Variants in ATP2C2 observed in about 807,000 individuals in gnomAD.
ATP2C2 encodes ATPase secretory pathway Ca2+ transporting 2.
Under a neutral mutation model 110.8 loss-of-function variants are expected in ATP2C2, and 171 were observed. The ratio of observed to expected loss-of-function variants is 1.54; its 90% confidence interval spans 1.36 to 1.75. The LOEUF (loss-of-function observed/expected upper bound fraction) is 1.75. ATP2C2 is among the 40% of genes most tolerant of loss of function. The pLI is 0.00. For synonymous variants in ATP2C2, 804 were observed against 508.4 expected (o/e 1.58, Z -7.82); for missense variants, 1,963 against 1,235.0 (o/e 1.59, Z -8.84).
At chr16:84,449,751 A>G (rs920358188) in intron 17 of ATP2C2, among the ~76,000 whole-genome samples, 3 of 152,214 alleles carry the variant, frequency 2.0e-5, no homozygotes, top group African/African-American at 7.2e-5. Context: ...CGTGGGTGGC[A>G]GCTGCTTTTG....
chr16:84,419,723 A>G (rs1272911792), intron 7 of ATP2C2, among the ~76,000 whole-genome samples: 1 of 152,064 alleles, frequency 6.6e-6, no homozygotes, highest in Admixed American at 6.6e-5. Flanking sequence ...CCTACTACGT[A>G]TGAGGCCCTG....
rs951873908 is a variant in ATP2C2 at position 84,426,134 on chromosome 16, A to G, written c.986+333A>G. ...CTATGGTTCTACAGGCCGTACAGGA[A>G]GCATGGTGTCTGCTCAGCTTCTGGG... is the stretch of plus-strand genomic sequence containing the variant. On this transcript the variant is annotated intron_variant, in intron 11 of 26. Transcript: ENST00000262429. 7 of 256,298 alleles carry G rather than the reference A, an allele frequency of 2.7e-5. No individual in the cohort carries two copies. In the East Asian group the frequency reaches 5.2e-4, roughly 19 times the overall value. The allele number at this position is 256,298 out of a possible 1,614,324, so 15.9% of individuals were successfully genotyped here.
intron 2 of ATP2C2, among the ~76,000 whole-genome samples, chr16:84,400,665 C>T (rs1905264547): frequency 6.6e-6 from 1 of 152,176 alleles, no homozygotes; most frequent in African/African-American, 2.4e-5. Context: ...AACTGTTCAC[C>T]AGTCATACTA....
chr16:84,402,945 G>A (rs1331361883), intron 2 of ATP2C2, among the ~76,000 whole-genome samples: 1 of 152,098 alleles, frequency 6.6e-6, no homozygotes, highest in Non-Finnish European at 1.5e-5. Context: ...TTTTTATTAT[G>A]GCTTTGATCT....
At chr16:84,410,451 CAT>C (rs1293750864) in intron 4 of ATP2C2, 115 bp from the exon 5 acceptor site, 3 of 1,207,152 alleles carry the variant, frequency 2.5e-6, no homozygotes, top group African/African-American at 1.5e-5. Flanking sequence ...GTACTGTGCA[CAT>C]GTTTTGCAAG....
At chr16:84,410,881 A>G (rs1906223830) in intron 6 of ATP2C2, 116 bp downstream of exon 6, 2 of 1,042,366 alleles carry the variant, frequency 1.9e-6, no homozygotes, top group Non-Finnish European at 2.9e-6. Flanking sequence ...AGAGAACCAC[A>G]TCTCACTGGG....
intron 17 of ATP2C2, among the ~76,000 whole-genome samples, chr16:84,451,170 G>C (rs554164417): frequency 2.0e-5 from 3 of 152,260 alleles, no homozygotes; most frequent in Non-Finnish European, 2.9e-5. Flanking sequence ...CGGCAAGAGA[G>C]AATGAGAGCC....
intron 1 of ATP2C2, among the ~76,000 whole-genome samples, chr16:84,382,050 T>C (rs1910606862): frequency 6.6e-6 from 1 of 152,178 alleles, no homozygotes; most frequent in Non-Finnish European, 1.5e-5. Context: ...GTTTGTTACA[T>C]AGGTATCCAC....
Position 84,463,911 on chromosome 16 carries a change from C to A in ATP2C2, c.*179C>A. ...GGGCTCCAGGGACCCAGGCCCACATCCATCCAGCGTTCCCGCTGGCTGTGG... is the reference window on the plus strand; with the variant it reads ...GGGCTCCAGGGACCCAGGCCCACATACATCCAGCGTTCCCGCTGGCTGTGG... On this transcript the variant is annotated 3_prime_UTR_variant, in exon 27 of 27. Transcript: ENST00000262429. 1 of 606,786 alleles carries A rather than the reference C, an allele frequency of 1.6e-6. No individual in the cohort carries two copies. Among genetic ancestry groups the A allele is most frequent in the Non-Finnish European group, 2.9e-6 (1 of 342,324 alleles). The allele number at this position is 606,786 out of a possible 1,614,324, so 37.6% of individuals were successfully genotyped here.
intron 11 of ATP2C2, among the ~76,000 whole-genome samples, chr16:84,426,971 C>G (rs998807510): frequency 3.3e-5 from 5 of 152,292 alleles, no homozygotes; most frequent in Admixed American, 2.6e-4. Context: ...AGTAGTTCTT[C>G]TGTGGCTATT....
chr16:84,459,662 T>C (rs1597883817), intron 23 of ATP2C2: 12 of 1,365,710 alleles, frequency 8.8e-6, no homozygotes, highest in East Asian at 2.5e-5. Flanking sequence ...CTCATTCTCA[T>C]GCTTCATTCC....
At chr16:84,441,968 TAAAAAAG>T (rs1597843760) in intron 14 of ATP2C2, among the ~76,000 whole-genome samples, 1 of 147,216 alleles carries the variant, frequency 6.8e-6, no homozygotes, top group African/African-American at 2.6e-5. Context: ...CTAGTAATAA[TAAAAAAG>T]AAAAGAAAAG....
intron 18 of ATP2C2, among the ~76,000 whole-genome samples, chr16:84,452,752 G>C (rs1421808499): frequency 6.6e-6 from 1 of 152,086 alleles, no homozygotes; most frequent in Non-Finnish European, 1.5e-5. Context: ...GCCCACCTCG[G>C]CCTCACAAAG....
In ATP2C2 at chr16:84,405,218, C is replaced by T. The variant is rs1173571569; in HGVS notation, c.301C>T (p.Pro101Ser). 6 of 1,613,824 alleles carry T rather than the reference C, an allele frequency of 3.7e-6. No individual in the cohort carries two copies. The highest frequency in any genetic ancestry group is 1.1e-5 in the South Asian group (1 of 91,068). The change falls in exon 3 of 27, where the codon CCT becomes TCT. Residue 101 changes from proline (P) to serine (S), a missense_variant. Transcript: ENST00000262429. ...TGAGTTTGTTGCTGACAACAGCGAA[C>T]CTGTGTGGAAGAAATACCTGGATCA... ...WNEFVADNSE[P>S]VWKKYLDQFK...
intron 1 of ATP2C2, among the ~76,000 whole-genome samples, chr16:84,377,885 C>T (rs1031239488): frequency 1.3e-5 from 2 of 152,160 alleles, no homozygotes; most frequent in Non-Finnish European, 2.9e-5. Context: ...ATCACCTCTG[C>T]CGTCTGCCCC....
intron 6 of ATP2C2, among the ~76,000 whole-genome samples, chr16:84,414,639 G>C (rs1216320284): frequency 2.0e-5 from 3 of 152,166 alleles, no homozygotes; most frequent in Non-Finnish European, 2.9e-5. Flanking sequence ...CGTGGCTGTG[G>C]GGAGAGGGTG....
intron 1 of ATP2C2, among the ~76,000 whole-genome samples, chr16:84,394,324 T>C (rs1442857227): frequency 1.3e-5 from 2 of 152,128 alleles, no homozygotes; most frequent in Non-Finnish European, 2.9e-5. Context: ...CTGAAACATT[T>C]GAAAGAAACC....
intron 1 of ATP2C2, among the ~76,000 whole-genome samples, chr16:84,395,528 G>A (rs1904919194): frequency 1.3e-5 from 2 of 148,662 alleles, no homozygotes; most frequent in South Asian, 4.2e-4. Context: ...GCATGATCTT[G>A]GCTCATTGCA....
chr16:84,458,780 C>A (rs151321575), intron 21 of ATP2C2, among the ~76,000 whole-genome samples: 2 of 152,190 alleles, frequency 1.3e-5, no homozygotes, highest in Non-Finnish European at 2.9e-5. Context: ...TTTGGTAAAT[C>A]GCGGAGATGC....
Sources: gnomAD v4.1 joint callset for allele counts (sites outside exome capture counted in the v4.1 genomes callset) on GRCh38, gnomAD v4.1.1 for gene constraint, MANE v1.5 for transcripts, NCBI Gene and HGNC (gene_info 2026-07-23, HGNC 2026-07-21) for gene names.